The following GPHN variants were observed in gnomAD, a reference collection of about 807,000 sequenced individuals.
The protein encoded by GPHN is gephyrin.
A neutral mutation model predicts 95.5 loss-of-function variants in GPHN; 17 were observed. The ratio of observed to expected loss-of-function variants is 0.18; its 90% confidence interval spans 0.12 to 0.27. GPHN has a LOEUF of 0.27. Among genes scored for constraint, GPHN ranks in the 10% least tolerant of loss-of-function variants. GPHN has a pLI of 1.00. For missense variants in GPHN, 660 were observed against 978.1 expected (o/e 0.67, Z 4.34); for synonymous variants, 320 against 322.5 (o/e 0.99, Z 0.08).
At chr14:67,694,309 T>G in the GPHN span, among the ~76,000 whole-genome samples, 2 of 151,954 alleles carry the variant, frequency 1.3e-5, no homozygotes, top group African/African-American at 4.8e-5. Flanking sequence ...GAGTGACAAC[T>G]TAGTAGGACC....
the GPHN span, among the ~76,000 whole-genome samples, chr14:67,464,236 C>T: frequency 1.3e-5 from 2 of 152,162 alleles, no homozygotes; most frequent in East Asian, 1.9e-4. Context: ...TCCCGCTGAC[C>T]GCAATCCATG....
chr14:67,510,287 G>A, the GPHN span, among the ~76,000 whole-genome samples: 3 of 152,204 alleles, frequency 2.0e-5, no homozygotes, highest in African/African-American at 7.2e-5. Context: ...GTCTCAGAGG[G>A]CTGAAATGGG....
the GPHN span, chr14:67,294,674 AG>A: frequency 1.3e-5 from 2 of 151,850 alleles, no homozygotes; most frequent in Non-Finnish European, 2.9e-5. Flanking sequence ...TAGATATTAT[AG>A]TGCTTTTTTT....
At chr14:67,727,476 G>T in the GPHN span, 151,759 of 298,896 alleles carry the variant, frequency 0.51, 34,946 homozygotes, top group Non-Finnish European at 0.58. Context: ...GAGGCTTTTT[G>T]TTTTTTTTGT....
At chr14:67,543,729 A>G in the GPHN span, among the ~76,000 whole-genome samples, 1 of 152,162 alleles carries the variant, frequency 6.6e-6, no homozygotes, top group East Asian at 1.9e-4. Flanking sequence ...AGTCTGAGAT[A>G]TATCTCGGAG....
At chr14:67,051,555 T>G (rs117489614) in intron 10 of GPHN, among the ~76,000 whole-genome samples, 4,632 of 152,234 alleles carry the variant, frequency 0.03, 108 homozygotes, top group Non-Finnish European at 0.05. Flanking sequence ...CATCCAGAAC[T>G]TCCCCAACCT....
In GPHN at chr14:67,122,302, G is replaced by A. The variant is rs1448791317; in HGVS notation, c.1673G>A (p.Ser558Asn). ...DDLLPGKIRD[S>N]NRSTLLATIQ... ...CTCTTACCAGGGAAGATTCGAGACA[G>A]CAATCGTTCAACTCTTCTAGCAACA... Residue 558 changes from serine to asparagine, a missense_variant, in exon 17 of 23, where the codon AGC becomes AAC. Physicochemically the swap from Ser to Asn is conservative, Grantham distance 46. This residue lies in a region of GPHN where 257 missense variants were observed against 376.2 expected (regional missense o/e 0.68). Coordinates refer to ENST00000478722, the MANE Select transcript of GPHN (RefSeq NM_020806.5). 1 of 1,612,724 alleles carries A rather than the reference G, an allele frequency of 6.2e-7. No individual in the cohort carries two copies. The highest frequency in any genetic ancestry group is 8.5e-7 in the Non-Finnish European group (1 of 1,178,902).
the GPHN span, chr14:67,645,634 T>C: frequency 3.7e-6 from 6 of 1,611,674 alleles, no homozygotes; most frequent in Non-Finnish European, 5.1e-6. Flanking sequence ...TTATACTTGT[T>C]CTTTGCAGCC....
intron 3 of GPHN, among the ~76,000 whole-genome samples, chr14:66,805,167 A>C (rs971791182): frequency 1.3e-5 from 2 of 152,188 alleles, no homozygotes; most frequent in Non-Finnish European, 2.9e-5. Context: ...CACATCTTAC[A>C]TGGATGGCGG....
At chr14:66,952,711 T>G (rs997988001) in intron 8 of GPHN, among the ~76,000 whole-genome samples, 3 of 152,180 alleles carry the variant, frequency 2.0e-5, no homozygotes, top group African/African-American at 7.2e-5. Flanking sequence ...TTTTTTGCTT[T>G]TGAGACAGAG....
chr14:67,699,232 G>A, the GPHN span, among the ~76,000 whole-genome samples: 2 of 151,036 alleles, frequency 1.3e-5, no homozygotes, highest in Non-Finnish European at 2.9e-5. Flanking sequence ...CAGCCTGGGC[G>A]ACAAGAGCGA....
At chr14:67,063,113 ATCCAGTTTCAGCTT>A (rs1262360492) in intron 11 of GPHN, among the ~76,000 whole-genome samples, 6 of 150,962 alleles carry the variant, frequency 4.0e-5, no homozygotes, top group East Asian at 1.9e-4. Flanking sequence ...TATAAGGAAG[ATCCAGTTTCAGCTT>A]TCCAGTTTCA....
chr14:67,218,114 G>T, the GPHN span, among the ~76,000 whole-genome samples: 228 of 152,252 alleles, frequency 1.5e-3, 1 homozygote, highest in African/African-American at 5.4e-3. Context: ...CCAGGGGTAG[G>T]CTCACCAGGC....
the GPHN span, among the ~76,000 whole-genome samples, chr14:67,477,684 G>GGAGGCA: frequency 6.6e-6 from 1 of 152,232 alleles, no homozygotes; most frequent in East Asian, 1.9e-4. Flanking sequence ...TAGCACTTTG[G>GGAGGCA]GAGGCAGAGG....
chr14:67,289,250 G>A, the GPHN span, among the ~76,000 whole-genome samples: 2 of 152,102 alleles, frequency 1.3e-5, no homozygotes, highest in Admixed American at 1.3e-4. Flanking sequence ...TTACAGGCAT[G>A]AGCCACCATC....
chr14:66,668,771 A>G (rs982076120), intron 1 of GPHN, among the ~76,000 whole-genome samples: 1 of 151,984 alleles, frequency 6.6e-6, no homozygotes, highest in Non-Finnish European at 1.5e-5. Context: ...CACATCCTGC[A>G]CTTGTACCCG....
chr14:67,144,250 A>ATATATATAT (rs1555502004), intron 18 of GPHN, among the ~76,000 whole-genome samples: 101 of 57,684 alleles, frequency 1.8e-3, no homozygotes, highest in Non-Finnish European at 2.6e-3. Context: ...AAAAAAAAAA[A>ATATATATAT]ATATATATAT....
chr14:67,566,641 A>G, the GPHN span, among the ~76,000 whole-genome samples: 2 of 151,996 alleles, frequency 1.3e-5, no homozygotes, highest in African/African-American at 4.8e-5. Context: ...CCAGCTACTC[A>G]GGAGGCTTAA....
the GPHN span, among the ~76,000 whole-genome samples, chr14:67,609,307 G>T: frequency 6.6e-6 from 1 of 152,094 alleles, no homozygotes; most frequent in South Asian, 2.1e-4. Flanking sequence ...TATTTTAAAG[G>T]ATACAAATGA....
Sources: gnomAD v4.1 joint callset for allele counts (sites outside exome capture counted in the v4.1 genomes callset) on GRCh38, gnomAD v4.1.1 for gene constraint, gnomAD v4.1.1 regional missense constraint, MANE v1.5 for transcripts, NCBI Gene and HGNC (gene_info 2026-07-23, HGNC 2026-07-21) for gene names.